The following NPAS3 variants were observed in gnomAD, a reference collection of about 807,000 sequenced individuals.
NPAS3 encodes neuronal PAS domain-containing protein 3.
A neutral mutation model predicts 73.1 loss-of-function variants in NPAS3; 14 were observed. That is an observed-to-expected ratio of 0.19 (90% CI 0.13 to 0.30). NPAS3 has a LOEUF of 0.30. Among genes scored for constraint, NPAS3 ranks in the 10% least tolerant of loss-of-function variants. The pLI, the probability that NPAS3 is intolerant of heterozygous loss-of-function variation, is 1.00. For missense variants in NPAS3, 1,096 were observed against 1,250.0 expected (o/e 0.88, Z 1.86); for synonymous variants, 620 against 541.5 (o/e 1.14, Z -2.01).
chr14:33,060,722 A>G (rs1213486764), intron 2 of NPAS3, among the ~76,000 whole-genome samples: 1 of 152,174 alleles, frequency 6.6e-6, no homozygotes, highest in African/African-American at 2.4e-5. Context: ...TATAGCCCTC[A>G]TTGCAGATCA....
chr14:33,124,936 T>G (rs1389753438), intron 2 of NPAS3, among the ~76,000 whole-genome samples: 1 of 152,074 alleles, frequency 6.6e-6, no homozygotes, highest in Non-Finnish European at 1.5e-5. Context: ...TAGGAAGCTA[T>G]TAGGAGGCAT....
intron 4 of NPAS3, among the ~76,000 whole-genome samples, chr14:33,501,410 C>T (rs898300196): frequency 1.3e-5 from 2 of 151,812 alleles, no homozygotes; most frequent in Non-Finnish European, 2.9e-5. Flanking sequence ...ATCTGTTATT[C>T]TCCTTAATGT....
At chr14:33,232,647 T>C (rs2047893896) in intron 3 of NPAS3, among the ~76,000 whole-genome samples, 1 of 152,188 alleles carries the variant, frequency 6.6e-6, no homozygotes, top group Admixed American at 6.6e-5. Context: ...GATTTTGTTC[T>C]ACAATCACTT....
chr14:33,582,384 G>T (rs2056699464), intron 5 of NPAS3, among the ~76,000 whole-genome samples: 1 of 152,200 alleles, frequency 6.6e-6, no homozygotes, highest in Admixed American at 6.5e-5. Flanking sequence ...GTGCCCAGGA[G>T]GCTGATTTGT....
At chr14:33,084,826 T>G (rs1595407685) in intron 2 of NPAS3, among the ~76,000 whole-genome samples, 1 of 152,306 alleles carries the variant, frequency 6.6e-6, no homozygotes, top group Admixed American at 6.5e-5. Flanking sequence ...TGGGATAGCA[T>G]CTAGTAAACA....
In NPAS3 at chr14:33,153,213, T is replaced by C. The variant is rs181483035; in HGVS notation, c.141-61969T>C. Among the ~76,000 whole-genome samples, 8 of 151,534 alleles carry C rather than the reference T, an allele frequency of 5.3e-5. No homozygotes were observed. In the East Asian group the frequency reaches 1.5e-3, roughly 29 times the overall value. On this transcript the variant is annotated intron_variant, in intron 2 of 11. Transcript: ENST00000356141. The stretch of plus-strand genomic sequence containing the variant: ...GTCTTTTTCTTGCAAGTTACCATTT[T>C]CTACTTTTTTTTTCATCTGAGTCGT...
In NPAS3 at chr14:33,443,060, G is replaced by T. The variant is rs1332369951; in HGVS notation, c.468+75792G>T. Among the ~76,000 whole-genome samples the T allele has an allele frequency of 2.0e-5, 3 of 152,190 alleles. No individual in the cohort carries two copies. The South Asian group carries it at 6.2e-4, about 31-fold the overall frequency. On this transcript the variant is annotated intron_variant, in intron 4 of 11. Coordinates refer to ENST00000356141, the Ensembl canonical transcript of NPAS3. Reference sequence around the variant, plus strand: ...TTCAGGATAATTACAGAGCAAATCAGTAGAAGAGAGAGCCCTTTACAGATT... The same window carrying T: ...TTCAGGATAATTACAGAGCAAATCATTAGAAGAGAGAGCCCTTTACAGATT...
At chr14:33,784,665 T>G (rs1466869295) in intron 9 of NPAS3, among the ~76,000 whole-genome samples, 1 of 151,954 alleles carries the variant, frequency 6.6e-6, no homozygotes, top group Non-Finnish European at 1.5e-5. Flanking sequence ...TCACATGGAT[T>G]CGCAAGCTTC....
chr14:33,709,490 A>T (rs2060756868), intron 6 of NPAS3, among the ~76,000 whole-genome samples: 1 of 152,176 alleles, frequency 6.6e-6, no homozygotes, highest in South Asian at 2.1e-4. Flanking sequence ...GCAAGAGTTT[A>T]GGTTGACTTC....
chr14:33,706,522 G>A (rs868250579), intron 6 of NPAS3, among the ~76,000 whole-genome samples: 45 of 152,140 alleles, frequency 3.0e-4, no homozygotes, highest in African/African-American at 5.6e-4. Flanking sequence ...AGATAGAAAC[G>A]TCTGACAAAA....
intron 2 of NPAS3, among the ~76,000 whole-genome samples, chr14:33,189,906 T>G (rs2046109903): frequency 6.6e-6 from 1 of 152,232 alleles, no homozygotes; most frequent in South Asian, 2.1e-4. Context: ...GAGTCTATAT[T>G]GTTTTGGTCA....
At chr14:33,543,989 A>ATATATATATC (rs1566988582) in intron 4 of NPAS3, among the ~76,000 whole-genome samples, 3 of 37,294 alleles carry the variant, frequency 8.0e-5, no homozygotes, top group Non-Finnish European at 1.3e-4. Flanking sequence ...ATATATATAT[A>ATATATATATC]TATATATATA....
chr14:33,705,840 CCAAATCATCTGACAAGGGCGGAAAT>C (rs1450074223), intron 6 of NPAS3, among the ~76,000 whole-genome samples: 5 of 152,176 alleles, frequency 3.3e-5, no homozygotes, highest in Non-Finnish European at 1.5e-5. Context: ...GGAAACTAAG[CCAAATCATCTGACAAGGGCGGAAAT>C]CAAATCATCT....
intron 3 of NPAS3, among the ~76,000 whole-genome samples, chr14:33,265,670 T>G (rs997441109): frequency 8.5e-5 from 13 of 152,212 alleles, no homozygotes; most frequent in African/African-American, 2.9e-4. Flanking sequence ...GATTAGTAAT[T>G]CACCCAAGGT....
chr14:33,141,678 T>G (rs980088437), intron 2 of NPAS3, among the ~76,000 whole-genome samples: 50 of 152,268 alleles, frequency 3.3e-4, no homozygotes, highest in African/African-American at 1.1e-3. Context: ...CCTCTATGAT[T>G]AGATATTTAG....
At chr14:32,965,505 A>C (rs1366342093) in intron 1 of NPAS3, among the ~76,000 whole-genome samples, 1 of 152,226 alleles carries the variant, frequency 6.6e-6, no homozygotes, top group African/African-American at 2.4e-5. Flanking sequence ...ACAAAATTCA[A>C]TGTTTCTTTA....
chr14:33,228,544 A>T (rs919951539), intron 3 of NPAS3, among the ~76,000 whole-genome samples: 3 of 152,090 alleles, frequency 2.0e-5, no homozygotes, highest in African/African-American at 7.2e-5. Context: ...TAAGATATCA[A>T]TTTTTTGTTG....
At chr14:33,024,909 G>A (rs1042849219) in intron 1 of NPAS3, among the ~76,000 whole-genome samples, 1 of 152,164 alleles carries the variant, frequency 6.6e-6, no homozygotes, top group Non-Finnish European at 1.5e-5. Context: ...CCCATGTAAT[G>A]TTTTTAAAAT....
chr14:33,113,035 T>C (rs2097540134), intron 2 of NPAS3, among the ~76,000 whole-genome samples: 1 of 152,210 alleles, frequency 6.6e-6, no homozygotes, highest in African/African-American at 2.4e-5. Flanking sequence ...TATCTCTGTT[T>C]TGGTACCAGT....
Sources: gnomAD v4.1 joint callset for allele counts (sites outside exome capture counted in the v4.1 genomes callset) on GRCh38, gnomAD v4.1.1 for gene constraint, MANE v1.5 for transcripts, NCBI Gene and HGNC (gene_info 2026-07-23, HGNC 2026-07-21) for gene names.